RCBTB2: variants seen among roughly 807,000 people sequenced by gnomAD.
RCBTB2 encodes the protein RCC1 and BTB domain-containing protein 2.
Under a neutral mutation model 65.4 loss-of-function variants are expected in RCBTB2, and 55 were observed. That is an observed-to-expected ratio of 0.84 (90% CI 0.68 to 1.05). RCBTB2 has a LOEUF of 1.05. Among genes scored for constraint, RCBTB2 ranks in the 50% least tolerant of loss-of-function variants. The probability of loss-of-function intolerance (pLI) is 0.00; values close to 1 mark genes in which losing one functional copy is unlikely to be tolerated. For synonymous variants in RCBTB2, 220 were observed against 255.2 expected (o/e 0.86, Z 1.31); for missense variants, 599 against 680.1 (o/e 0.88, Z 1.33).
intron 13 of RCBTB2, among the ~76,000 whole-genome samples, chr13:48,498,916 A>C (rs1213433070): frequency 6.6e-6 from 1 of 151,994 alleles, no homozygotes; most frequent in Non-Finnish European, 1.5e-5. Context: ...CCCATCTATC[A>C]ACAAATCCCA....
chr13:48,534,707 G>A (rs1456786786), upstream of RCBTB2, among the ~76,000 whole-genome samples: 2 of 152,180 alleles, frequency 1.3e-5, no homozygotes, highest in African/African-American at 4.8e-5. Context: ...GTTTTTCCCA[G>A]GGCGGTCAAA....
upstream of RCBTB2, among the ~76,000 whole-genome samples, chr13:48,535,312 G>A (rs1333092204): frequency 5.4e-5 from 8 of 148,210 alleles, no homozygotes; most frequent in Non-Finnish European, 1.2e-4. Context: ...TTGGAGTGCA[G>A]TGGCGCAATC....
At chr13:48,521,772 C>T in intron 4 of RCBTB2, 126 bp downstream of exon 4, 1 of 846,786 alleles carries the variant, frequency 1.2e-6, no homozygotes, top group Non-Finnish European at 1.9e-6. Context: ...TCAGTGATTA[C>T]ACTGTGAGCC....
At chr13:48,530,501 T>A (rs777335987) in intron 1 of RCBTB2, among the ~76,000 whole-genome samples, 5 of 152,266 alleles carry the variant, frequency 3.3e-5, no homozygotes, top group Non-Finnish European at 5.9e-5. Flanking sequence ...TGAAATTTAG[T>A]TAGGTCTATC....
At chr13:48,515,431 TCTTC>T in intron 5 of RCBTB2, 76 bp from the exon 6 acceptor site, 1 of 1,477,632 alleles carries the variant, frequency 6.8e-7, no homozygotes, top group Non-Finnish European at 9.2e-7. Flanking sequence ...ACAGGAATCA[TCTTC>T]CTTAAGCAAA....
intron 1 of RCBTB2, among the ~76,000 whole-genome samples, chr13:48,531,362 A>G (rs893990276): frequency 2.0e-5 from 3 of 152,230 alleles, no homozygotes; most frequent in Non-Finnish European, 4.4e-5. Context: ...AGATAGATTG[A>G]TCATACCCTT....
intron 1 of RCBTB2, among the ~76,000 whole-genome samples, chr13:48,530,492 G>A (rs1267693839): frequency 6.6e-6 from 1 of 152,220 alleles, no homozygotes; most frequent in African/African-American, 2.4e-5. Flanking sequence ...ATTATGGATT[G>A]AAATTTAGTT....
chr13:48,499,888 C>T, intron 12 of RCBTB2, 128 bp from the exon 13 acceptor site: 2 of 1,066,676 alleles, frequency 1.9e-6, no homozygotes, highest in Non-Finnish European at 2.7e-6. Flanking sequence ...ACTTTCTTTG[C>T]TGGCCAGGGT....
chr13:48,505,590 T>A (rs1593662201), intron 10 of RCBTB2, among the ~76,000 whole-genome samples: 2 of 152,172 alleles, frequency 1.3e-5, no homozygotes, highest in South Asian at 2.1e-4. Flanking sequence ...ACGTCCACTG[T>A]TAGTATCGAT....
intron 6 of RCBTB2, among the ~76,000 whole-genome samples, chr13:48,514,025 C>T (rs1950949041): frequency 1.3e-5 from 2 of 152,220 alleles, no homozygotes; most frequent in Admixed American, 1.3e-4. Context: ...GTACTGTTCA[C>T]AATGTCACAG....
intron 10 of RCBTB2, among the ~76,000 whole-genome samples, chr13:48,505,779 G>A (rs1176479154): frequency 2.0e-5 from 3 of 152,172 alleles, no homozygotes; most frequent in Admixed American, 1.3e-4. Context: ...AAAGATGAGG[G>A]GGAACAGGAT....
At position 48,490,000 on chromosome 13, in the gene RCBTB2, G is replaced by C; in HGVS notation, c.*111C>G. 1.7e-6 allele frequency: 2 copies of C among 1,189,038 alleles called. No homozygotes were observed. The highest frequency in any genetic ancestry group is 2.5e-6 in the Non-Finnish European group (2 of 806,488). The allele number at this position is 1,189,038 out of a possible 1,614,324, so 73.7% of individuals were successfully genotyped here. A position where few individuals can be genotyped will look rare whatever the true frequency, so the allele number is the denominator to read the frequency against. ...ACCATCCTTCTTCTGACAGTTACAA[G>C]TACTCAGCCAAACATAGCTCATCAT... On this transcript the variant is annotated 3_prime_UTR_variant, in exon 15 of 15. Coordinates refer to ENST00000344532, the MANE Select transcript of RCBTB2 (RefSeq NM_001268.4).
intron 13 of RCBTB2, among the ~76,000 whole-genome samples, 188 bp downstream of exon 13, chr13:48,499,433 C>T (rs1366861833): frequency 6.6e-6 from 1 of 152,168 alleles, no homozygotes; most frequent in Non-Finnish European, 1.5e-5. Flanking sequence ...TTTGATTCTT[C>T]TCTCTCTTAT....
chr13:48,515,338 T>C lies in RCBTB2; in HGVS notation c.216A>G (p.Thr72=). Residue 72 remains threonine, a synonymous_variant, in exon 6 of 15, where the codon ACA becomes ACG. Coordinates refer to ENST00000344532, the MANE Select transcript of RCBTB2 (RefSeq NM_001268.4). ...CTAACCCCAAACAGCCACAGCAGTT[T>C]GTGCCAAGCACAAAAATCTATGGGA... ...TVNDEIFVLG[T]NCCGCLGLGD... is the part of the protein sequence containing the mutation. 1 of 1,613,504 alleles carries C rather than the reference T, an allele frequency of 6.2e-7. No homozygotes were observed. Among genetic ancestry groups the C allele is most frequent in the Non-Finnish European group, 8.5e-7 (1 of 1,179,842 alleles).
At chr13:48,518,364 T>C (rs1432863979) in intron 4 of RCBTB2, among the ~76,000 whole-genome samples, 1 of 151,542 alleles carries the variant, frequency 6.6e-6, no homozygotes, top group Non-Finnish European at 1.5e-5. Context: ...ACACCTTCTG[T>C]TATCTTTTGG....
chr13:48,523,911 A>C (rs1951562221), intron 2 of RCBTB2, among the ~76,000 whole-genome samples: 1 of 152,230 alleles, frequency 6.6e-6, no homozygotes, highest in African/African-American at 2.4e-5. Flanking sequence ...TTAAGACATA[A>C]TTGTATGTAT....
At position 48,504,114 on chromosome 13, in the gene RCBTB2, G is replaced by A. The variant is rs1051390375; in HGVS notation, c.927-1200C>T. The A allele has an allele frequency of 5.3e-6, 5 of 941,224 alleles. No homozygotes were observed. In the East Asian group the frequency reaches 4.7e-4, roughly 88 times the overall value. 58.3% of individuals were successfully genotyped at this position (941,224 alleles called of 1,614,324 possible). ...GTTAAATAACAAAGATGCTTTCTTT[G>A]TAATGTCTCCCCTCAGCCACCACTG... On this transcript the variant is annotated intron_variant, in intron 10 of 14. Transcript: ENST00000344532.
chr13:48,499,380 C>T (rs1469768013), intron 13 of RCBTB2, among the ~76,000 whole-genome samples: 1 of 152,192 alleles, frequency 6.6e-6, no homozygotes, highest in Non-Finnish European at 1.5e-5. Flanking sequence ...GTCTCTGTCC[C>T]TTCCTCCATG....
chr13:48,503,167 C>T (rs540497314), intron 10 of RCBTB2, among the ~76,000 whole-genome samples: 2 of 152,230 alleles, frequency 1.3e-5, no homozygotes, highest in South Asian at 4.2e-4. Flanking sequence ...CTGTTTGTAC[C>T]ACTTCTAGCC....
Sources: gnomAD v4.1 joint callset for allele counts (sites outside exome capture counted in the v4.1 genomes callset) on GRCh38, gnomAD v4.1.1 for gene constraint, MANE v1.5 for transcripts, NCBI Gene and HGNC (gene_info 2026-07-23, HGNC 2026-07-21) for gene names.